The following MAP4 variants were observed in gnomAD, a reference collection of about 807,000 sequenced individuals.
MAP4 encodes the protein microtubule-associated protein 4.
In MAP4, 76 loss-of-function variants were observed where a neutral mutation model predicts 170.2. The ratio of observed to expected loss-of-function variants is 0.45; its 90% CI spans 0.37 to 0.54. The LOEUF is 0.54. Among genes scored for constraint, MAP4 ranks in the 20% least tolerant of loss-of-function variants. The pLI is 0.00. For synonymous variants in MAP4, 909 were observed against 994.5 expected, an observed-to-expected ratio of 0.91 and a Z score of 1.62; for missense variants, 2,506 against 2,748.0, an observed-to-expected ratio of 0.91 and a Z score of 1.97.
Position 47,852,984 on chromosome 3 carries a change from CAA to C in MAP4, c.6887-48_6887-47del, listed in dbSNP as rs565093727. 61 of 1,613,958 alleles carry C rather than the reference CAA, an allele frequency of 3.8e-5. 1 individual carries two copies. The highest frequency in any genetic ancestry group is 1.7e-4 in the African/African-American group (13 of 74,930). Reference sequence around the variant, plus strand: ...GGAAGGGAGAGGGGAACAGGGGAGACAAGAGGGGAACACGGGGGAGACGGAAG... The same window carrying C: ...GGAAGGGAGAGGGGAACAGGGGAGACGAGGGGAACACGGGGGAGACGGAAG... On this transcript the variant is annotated intron_variant, in intron 20 of 20. Coordinates refer to ENST00000683076, the MANE Select transcript of MAP4 (RefSeq NM_001385682.1).
intron 3 of MAP4, among the ~76,000 whole-genome samples, chr3:47,962,134 G>C (rs1242567877): frequency 1.3e-5 from 2 of 152,108 alleles, no homozygotes; most frequent in Non-Finnish European, 2.9e-5. Context: ...TAAATAACCT[G>C]CCTCTTAATT....
chr3:47,925,296 T>C (rs1034350004), intron 4 of MAP4, among the ~76,000 whole-genome samples: 1 of 152,206 alleles, frequency 6.6e-6, no homozygotes, highest in Non-Finnish European at 1.5e-5. Flanking sequence ...AACTTTCCGC[T>C]GAGGAAATTA....
chr3:47,957,454 A>G (rs1388869328), intron 3 of MAP4, among the ~76,000 whole-genome samples: 2 of 152,124 alleles, frequency 1.3e-5, no homozygotes, highest in Non-Finnish European at 2.9e-5. Flanking sequence ...TACAGGTGTG[A>G]GCCACCATGC....
chr3:48,072,941 T>A lies in MAP4; in HGVS notation c.-20+15832A>T, dbSNP rs372558867. Among the ~76,000 whole-genome samples the A allele has an allele frequency of 7.4e-4, 113 of 152,218 alleles. 1 individual carries two copies. The highest frequency in any genetic ancestry group is 2.6e-3 in the African/African-American group (109 of 41,530). On this transcript the variant is annotated intron_variant, in intron 1 of 18. Coordinates refer to the MAP4 transcript ENST00000360240. ...TCTCAGGCCAGTGACAAGATATATT[T>A]AATTTTAGGCCAAGTGCAGTGGCTC...
intron 3 of MAP4, chr3:47,973,183 C>A: frequency 1.0e-6 from 1 of 982,578 alleles, no homozygotes; most frequent in Non-Finnish European, 1.2e-6. Flanking sequence ...ACAAAAAATA[C>A]AAACTTAGGT....
chr3:47,870,652 C>G (rs1038541085), intron 15 of MAP4, among the ~76,000 whole-genome samples, 161 bp downstream of exon 15: 2 of 152,214 alleles, frequency 1.3e-5, no homozygotes, highest in African/African-American at 4.8e-5. Context: ...CTCCCTGCTG[C>G]TGGGGCACAA....
chr3:47,856,486 G>GCT (rs2056685984), intron 18 of MAP4, among the ~76,000 whole-genome samples: 1 of 151,274 alleles, frequency 6.6e-6, no homozygotes, highest in Admixed American at 6.6e-5. Context: ...ACAGAATTTC[G>GCT]CTCTGTTGCT....
At chr3:47,944,107 C>A (rs1427641365) in intron 3 of MAP4, among the ~76,000 whole-genome samples, 2 of 151,806 alleles carry the variant, frequency 1.3e-5, no homozygotes. Flanking sequence ...GTCAGGAGAT[C>A]AAGAACAGCC....
chr3:47,940,549 TG>T (rs1364909514), intron 3 of MAP4, among the ~76,000 whole-genome samples: 2 of 152,166 alleles, frequency 1.3e-5, no homozygotes, highest in East Asian at 3.8e-4. Flanking sequence ...AAAAGTAGAA[TG>T]GGGAAGGACA....
At chr3:48,048,170 A>C (rs891684867) in intron 1 of MAP4, among the ~76,000 whole-genome samples, 3 of 152,226 alleles carry the variant, frequency 2.0e-5, no homozygotes, top group Admixed American at 2.0e-4. Context: ...AGAACAAAGA[A>C]AAAAGCAGAC....
At chr3:47,912,991 C>A (rs941973546) in intron 8 of MAP4, among the ~76,000 whole-genome samples, 2 of 152,126 alleles carry the variant, frequency 1.3e-5, no homozygotes, top group African/African-American at 4.8e-5. Flanking sequence ...TATACTGAAT[C>A]CACATTTTGG....
intron 1 of MAP4, among the ~76,000 whole-genome samples, chr3:48,053,617 TCTAA>T (rs1321277784): frequency 6.6e-6 from 1 of 152,208 alleles, no homozygotes; most frequent in Non-Finnish European, 1.5e-5. Context: ...CTGATTTACT[TCTAA>T]CTCTCTCTAG....
At chr3:47,915,641 G>A (rs1236965349) in intron 7 of MAP4, among the ~76,000 whole-genome samples, 1 of 152,174 alleles carries the variant, frequency 6.6e-6, no homozygotes, top group Non-Finnish European at 1.5e-5. Flanking sequence ...ACTTTCATAA[G>A]CAGAGACCAT....
chr3:47,940,071 C>CAG (rs1432774013), intron 3 of MAP4, among the ~76,000 whole-genome samples: 2 of 152,090 alleles, frequency 1.3e-5, no homozygotes, highest in Non-Finnish European at 2.9e-5. Context: ...CTCCTGACCT[C>CAG]AGGTGAGCCA....
chr3:47,973,688 C>T (rs999686501), intron 3 of MAP4: 1 of 985,156 alleles, frequency 1.0e-6, no homozygotes, highest in African/African-American at 1.7e-5. Flanking sequence ...GCTTCTCCAC[C>T]CATAACTTAG....
intron 1 of MAP4, among the ~76,000 whole-genome samples, chr3:48,031,073 T>C (rs1410875645): frequency 1.3e-5 from 2 of 151,724 alleles, no homozygotes; most frequent in Non-Finnish European, 2.9e-5. Context: ...GTAAGAGAAA[T>C]ATGACAAATA....
At chr3:47,970,837 A>C (rs904797995) in intron 3 of MAP4, among the ~76,000 whole-genome samples, 3 of 152,290 alleles carry the variant, frequency 2.0e-5, no homozygotes, top group African/African-American at 7.2e-5. Flanking sequence ...AACAAACAAA[A>C]AAAAATCAGA....
chr3:48,065,688 A>T (rs2100137989), intron 1 of MAP4, among the ~76,000 whole-genome samples: 1 of 152,254 alleles, frequency 6.6e-6, no homozygotes, highest in South Asian at 2.1e-4. Flanking sequence ...TTAGTTTCTT[A>T]TAATCTGGAT....
intron 2 of MAP4, among the ~76,000 whole-genome samples, chr3:47,980,860 A>G (rs2100085038): frequency 1.3e-5 from 2 of 152,234 alleles, no homozygotes; most frequent in African/African-American, 4.8e-5. Flanking sequence ...AATGCATATT[A>G]TAAGAAAATG....
Sources: allele counts gnomAD v4.1 joint callset (sites outside exome capture counted in the v4.1 genomes callset), GRCh38; gene constraint gnomAD v4.1.1; transcripts MANE v1.5; gene names NCBI Gene and HGNC (gene_info 2026-07-23, HGNC 2026-07-21).